KIF5A: variants seen among roughly 807,000 people sequenced by gnomAD.
KIF5A encodes kinesin heavy chain isoform 5A.
KIF5A carries 35 observed loss-of-function variants against 141.3 expected under a neutral mutation model. The ratio of observed to expected loss-of-function variants is 0.25; its 90% CI spans 0.19 to 0.33. The LOEUF (loss-of-function observed/expected upper bound fraction) is 0.33. Among genes scored for constraint, KIF5A ranks in the 10% least tolerant of loss-of-function variants. KIF5A has a pLI of 1.00. For synonymous variants in KIF5A, 448 were observed against 500.2 expected, an observed-to-expected ratio of 0.90 and a Z score of 1.39; for missense variants, 861 against 1,314.3, an observed-to-expected ratio of 0.66 and a Z score of 5.33.
intron 1 of KIF5A, among the ~76,000 whole-genome samples, chr12:57,555,311 G>T (rs1163439266): frequency 6.6e-6 from 1 of 152,170 alleles, no homozygotes; most frequent in African/African-American, 2.4e-5. Context: ...TTCATGAAAA[G>T]ATCACTTTTC....
Position 57,550,439 on chromosome 12 carries a change from G to T in KIF5A, c.129+39G>T, listed in dbSNP as rs202202417. 1 of 1,610,732 alleles carries T rather than the reference G, an allele frequency of 6.2e-7. No individual in the cohort carries two copies. The highest frequency in any genetic ancestry group is 1.7e-5 in the Admixed American group (1 of 60,002). ...AGGAGGGAATTCGGGGAGGGGGCAGGTGGCTGAATCTCCCCGCCCCCCGCA... is the reference window on the plus strand; with the variant it reads ...AGGAGGGAATTCGGGGAGGGGGCAGTTGGCTGAATCTCCCCGCCCCCCGCA... On this transcript the variant is annotated intron_variant, in intron 1 of 28. Transcript: ENST00000455537. This position sits in a 1 kb window ranked among gnomAD's most constrained non-coding sequence, Gnocchi z 4.6.
intron 16 of KIF5A, among the ~76,000 whole-genome samples, 179 bp from the exon 17 acceptor site, chr12:57,575,461 G>T (rs1882392271): frequency 6.6e-6 from 1 of 152,146 alleles, no homozygotes; most frequent in Admixed American, 6.5e-5. Flanking sequence ...GGCGGGTACT[G>T]CCCCCTGAGC....
In KIF5A at chr12:57,568,965, C is replaced by T; in HGVS notation, c.717C>T (p.Val239=). The change falls in exon 9 of 29, where the codon GTC becomes GTT. Residue 239 remains valine (V), a splice_region_variant and synonymous_variant. Transcript: ENST00000455537. The stretch of plus-strand genomic sequence containing the variant: ...CTCATCTCTTACTGCCCTGGTAGGT[C>T]AGCAAGACTGGAGCAGAGGGAGCCG... ...YLVDLAGSEK[V]SKTGAEGAVL... is the part of the protein sequence containing the mutation. 6.2e-7 allele frequency: 1 copy of T among 1,612,992 alleles called. No individual in the cohort carries two copies. Among genetic ancestry groups the T allele is most frequent in the Non-Finnish European group, 8.5e-7 (1 of 1,179,308 alleles).
chr12:57,583,296 C>CTTCTTTTTTTT, intron 28 of KIF5A, 81 bp downstream of exon 28: 1 of 778,114 alleles, frequency 1.3e-6, no homozygotes, highest in East Asian at 2.7e-5. Context: ...CCTGCTGCTG[C>CTTCTTTTTTTT]TTCTTTTTTT....
At chr12:57,573,643 A>G (rs1397613405) in intron 15 of KIF5A, among the ~76,000 whole-genome samples, 1 of 151,984 alleles carries the variant, frequency 6.6e-6, no homozygotes, top group Non-Finnish European at 1.5e-5. Flanking sequence ...CAGCCTGTTC[A>G]ACATGGAGAA....
At chr12:57,567,714 G>T (rs1882111929) in intron 8 of KIF5A, 96 bp downstream of exon 8, 1 of 1,301,238 alleles carries the variant, frequency 7.7e-7, no homozygotes. Context: ...GGGCTGGTTT[G>T]CAGTGGCACG....
chr12:57,550,529 C>T lies in KIF5A; in HGVS notation c.129+129C>T. The T allele has an allele frequency of 1.0e-6, 1 of 1,001,710 alleles. No homozygotes were observed. The highest frequency in any genetic ancestry group is 1.5e-5 in the South Asian group (1 of 66,836). 62.1% of individuals were successfully genotyped at this position (1,001,710 alleles called of 1,614,324 possible). A position where few individuals can be genotyped will look rare whatever the true frequency, so the allele number is the denominator to read the frequency against. ...GCCGCTCATCCTTCATCCTCTTCCCCGCAGCCCCTCCTCTCCCCTGCATCA... is the reference window on the plus strand; with the variant it reads ...GCCGCTCATCCTTCATCCTCTTCCCTGCAGCCCCTCCTCTCCCCTGCATCA... On this transcript the variant is annotated intron_variant, in intron 1 of 28. Transcript: ENST00000455537. The surrounding 1 kb of genome is among the most constrained non-coding windows in gnomAD (Gnocchi z 4.6).
Position 57,585,384 on chromosome 12 carries a change from G to A in KIF5A, c.*1203G>A, listed in dbSNP as rs1882728193. ...AAGGGGCAGGGTGGATTTTCAAGAGGTGGGAAGCTCTAAGGCTTGACCCTG... is the reference window on the plus strand; with the variant it reads ...AAGGGGCAGGGTGGATTTTCAAGAGATGGGAAGCTCTAAGGCTTGACCCTG... On this transcript the variant is annotated 3_prime_UTR_variant, in exon 29 of 29. Transcript: ENST00000455537. 6.5e-6 allele frequency: 1 copy of A among 154,390 alleles called. No individual in the cohort carries two copies. Among genetic ancestry groups the A allele is most frequent in the Non-Finnish European group, 1.5e-5 (1 of 68,262 alleles). 9.6% of individuals were successfully genotyped at this position (154,390 alleles called of 1,614,324 possible).
chr12:57,565,932 T>C (rs577772857), intron 6 of KIF5A, among the ~76,000 whole-genome samples: 1 of 139,910 alleles, frequency 7.1e-6, no homozygotes, highest in Admixed American at 7.1e-5. Context: ...GTCTCTTGTT[T>C]AAAAAAAAAA....
At position 57,564,229 on chromosome 12, in the gene KIF5A, A is replaced by T. The variant is rs558646007; in HGVS notation, c.396+17A>T. ...CACATCAAGGTGACCAGGGCACGAC[A>T]GCTGGGCATTCAGATGGGGACTGGG... On this transcript the variant is annotated intron_variant, in intron 4 of 28. Coordinates refer to ENST00000455537, the MANE Select transcript of KIF5A (RefSeq NM_004984.4). The T allele has an allele frequency of 6.5e-7, 1 of 1,538,836 alleles. No homozygotes were observed. The highest frequency in any genetic ancestry group is 1.4e-5 in the African/African-American group (1 of 73,512).
intron 4 of KIF5A, 103 bp downstream of exon 4, chr12:57,564,315 C>A: frequency 9.1e-7 from 1 of 1,093,940 alleles, no homozygotes; most frequent in South Asian, 1.2e-5. Flanking sequence ...ACTCCCTTTC[C>A]GGTTACCAGA....
chr12:57,580,910 G>T, intron 23 of KIF5A, 46 bp from the exon 24 acceptor site: 1 of 1,593,390 alleles, frequency 6.3e-7, no homozygotes, highest in Non-Finnish European at 8.6e-7. Context: ...ACCGTCTTGG[G>T]TCACTTGCCT....
In KIF5A at chr12:57,569,049, C is replaced by A; in HGVS notation, c.801C>A (p.Ser267=). The part of the protein sequence containing the change: ...KSLSALGNVI[S]ALAEGTKSYV... ...TGTCAGCTCTGGGCAATGTGATCTC[C>A]GCACTGGCTGAGGGCACTGTGAGTG... The change falls in exon 9 of 29, where the codon TCC becomes TCA. Residue 267 remains serine (S), a synonymous_variant. Coordinates refer to ENST00000455537, the MANE Select transcript of KIF5A (RefSeq NM_004984.4). 1 of 1,613,662 alleles carries A rather than the reference C, an allele frequency of 6.2e-7. No homozygotes were observed. Among genetic ancestry groups the A allele is most frequent in the Non-Finnish European group, 8.5e-7 (1 of 1,179,660 alleles).
chr12:57,554,136 GA>G (rs10712338), intron 1 of KIF5A, among the ~76,000 whole-genome samples: 44,640 of 151,986 alleles, frequency 0.29, 7,052 homozygotes, highest in East Asian at 0.61. Context: ...ATAAGGCTCT[GA>G]CACAGTGTTG....
At chr12:57,583,884 T>C (rs1882681335) in intron 28 of KIF5A, among the ~76,000 whole-genome samples, 1 of 152,228 alleles carries the variant, frequency 6.6e-6, no homozygotes, top group African/African-American at 2.4e-5. Flanking sequence ...CCAAGGTTGC[T>C]TTAGGGCCCA....
intron 1 of KIF5A, among the ~76,000 whole-genome samples, chr12:57,556,331 G>T (rs972472822): frequency 6.6e-6 from 1 of 151,942 alleles, no homozygotes; most frequent in Admixed American, 6.6e-5. Context: ...GTGGAGACGG[G>T]GTTTCACCGT....
chr12:57,568,128 G>A (rs1336000838), intron 8 of KIF5A, among the ~76,000 whole-genome samples: 2 of 151,994 alleles, frequency 1.3e-5, no homozygotes, highest in African/African-American at 4.8e-5. Context: ...GGATCCACCT[G>A]CCTCGGCCTC....
chr12:57,573,420 AC>A (rs1448889886), intron 15 of KIF5A, among the ~76,000 whole-genome samples: 1 of 152,012 alleles, frequency 6.6e-6, no homozygotes, highest in Non-Finnish European at 1.5e-5. Context: ...AGTACCAGCT[AC>A]TTGACAGGCT....
chr12:57,571,306 T>C lies in KIF5A; in HGVS notation c.1294-15T>C. 6.7e-7 allele frequency: 1 copy of C among 1,502,852 alleles called. No individual in the cohort carries two copies. The highest frequency in any genetic ancestry group is 1.4e-5 in the African/African-American group (1 of 72,758). 93.1% of individuals were successfully genotyped at this position (1,502,852 alleles called of 1,614,324 possible). A position where few individuals can be genotyped will look rare whatever the true frequency, so the allele number is the denominator to read the frequency against. On this transcript the variant is annotated splice_polypyrimidine_tract_variant and intron_variant, in intron 12 of 28. Coordinates refer to ENST00000455537, the MANE Select transcript of KIF5A (RefSeq NM_004984.4). The stretch of plus-strand genomic sequence containing the variant: ...TAGCTTCCCTTCACCTGTCTTTCCC[T>C]GTTGCCTCCAACAGGATGATGAAAT...
Sources: gnomAD v4.1 joint callset for allele counts (sites outside exome capture counted in the v4.1 genomes callset) on GRCh38, gnomAD v4.1.1 for gene constraint, Gnocchi (gnomAD v3.1) non-coding constraint, MANE v1.5 for transcripts, NCBI Gene and HGNC (gene_info 2026-07-23, HGNC 2026-07-21) for gene names.